Variants in ARFGAP3 observed in about 807,000 individuals in gnomAD.
ARFGAP3 encodes the protein ARF GTPase activating protein 3.
ARFGAP3 carries 72 observed loss-of-function variants against 75.0 expected under a neutral mutation model. The ratio of observed to expected loss-of-function variants is 0.96; its 90% CI spans 0.79 to 1.17. The LOEUF (loss-of-function observed/expected upper bound fraction) is 1.17, where lower values mean the gene tolerates loss of function less well. ARFGAP3 is among the 50% of genes most tolerant of loss of function. The pLI is 0.00. For missense variants in ARFGAP3, 620 were observed against 626.6 expected (o/e 0.99, Z 0.11); for synonymous variants, 221 against 217.9 (o/e 1.01, Z -0.13).
chr22:42,797,660 C>T, intron 15 of ARFGAP3, 55 bp from the exon 16 acceptor site: 1 of 1,613,858 alleles, frequency 6.2e-7, no homozygotes. Flanking sequence ...ATCCCTGACT[C>T]CCACGCCCTG....
chr22:42,797,817 T>TG, intron 15 of ARFGAP3: 2 of 872,866 alleles, frequency 2.3e-6, no homozygotes, highest in Non-Finnish European at 2.7e-6. Flanking sequence ...CCCAACAGGA[T>TG]TCACATCCTG....
intron 3 of ARFGAP3, among the ~76,000 whole-genome samples, chr22:42,836,958 T>G (rs1926545649): frequency 6.6e-6 from 1 of 152,220 alleles, no homozygotes; most frequent in Non-Finnish European, 1.5e-5. Flanking sequence ...ACAGCTCCAC[T>G]GGCTAAACCG....
At chr22:42,856,993 T>A in intron 1 of ARFGAP3, 121 bp downstream of exon 1, 1 of 1,040,300 alleles carries the variant, frequency 9.6e-7, no homozygotes, top group Non-Finnish European at 1.3e-6. Context: ...GGCCCCACAG[T>A]GCGACGTGTC....
intron 6 of ARFGAP3, among the ~76,000 whole-genome samples, 176 bp downstream of exon 6, chr22:42,831,373 T>C (rs1179525073): frequency 1.3e-5 from 2 of 151,088 alleles, no homozygotes; most frequent in East Asian, 3.9e-4. Context: ...ATGGGGACTA[T>C]GTTGCCCACG....
Position 42,844,041 on chromosome 22 carries a change from C to T in ARFGAP3, c.189-3025G>A, listed in dbSNP as rs144957466. 1.7e-3 allele frequency among the ~76,000 whole-genome samples: 253 copies of T among 152,274 alleles called. 2 individuals are homozygous for T. The highest frequency in any genetic ancestry group is 5.7e-3 in the African/African-American group (238 of 41,552). ...AAAAAAAACTCCAGTTAAATATGCA[C>T]ACCACCCATGCCACACAGGAAGCAG... On this transcript the variant is annotated intron_variant, in intron 2 of 15. Transcript: ENST00000263245.
chr22:42,812,194 C>T (rs889147346), intron 11 of ARFGAP3, among the ~76,000 whole-genome samples: 10 of 131,760 alleles, frequency 7.6e-5, no homozygotes, highest in South Asian at 2.4e-4. Flanking sequence ...CACTACACTC[C>T]AGCCTGGGTG....
chr22:42,855,470 G>C (rs1355719137), intron 1 of ARFGAP3, among the ~76,000 whole-genome samples: 1 of 152,124 alleles, frequency 6.6e-6, no homozygotes, highest in African/African-American at 2.4e-5. Flanking sequence ...TGGATCACTT[G>C]AGGCCAGGAG....
At chr22:42,837,620 CA>C (rs574222602) in intron 3 of ARFGAP3, among the ~76,000 whole-genome samples, 2,888 of 66,446 alleles carry the variant, frequency 0.043, 34 homozygotes, top group African/African-American at 0.077. Context: ...GACTCTATCT[CA>C]AAAAAAAAAA....
intron 2 of ARFGAP3, among the ~76,000 whole-genome samples, chr22:42,843,843 G>A (rs1317784298): frequency 3.3e-5 from 5 of 152,204 alleles, no homozygotes; most frequent in Non-Finnish European, 7.3e-5. Context: ...CAATGGAGGT[G>A]AAAAGGGGCA....
rs994483643 is a variant in ARFGAP3 at position 42,797,691 on chromosome 22, T to C, written c.1534-86A>G. 7 of 1,613,112 alleles carry C rather than the reference T, an allele frequency of 4.3e-6. No homozygotes were observed. The East Asian group carries it at 8.9e-5, about 21-fold the overall frequency. ...CCCTGAATATTCAGCATCACCCAAA[T>C]TGACACTGCAGCCCATGTCAGGCAT... On this transcript the variant is annotated intron_variant, in intron 15 of 15. Coordinates refer to ENST00000263245, the MANE Select transcript of ARFGAP3 (RefSeq NM_014570.5).
Position 42,823,706 on chromosome 22 carries a change from C to T in ARFGAP3, c.626-4G>A, listed in dbSNP as rs146855308. On this transcript the variant is annotated splice_polypyrimidine_tract_variant and splice_region_variant and intron_variant, in intron 7 of 15. Coordinates refer to ENST00000263245, the MANE Select transcript of ARFGAP3 (RefSeq NM_014570.5). ...TTTTTTATGATAGAGGATACCTCTG[C>T]CAAAAAATAAAAATTAAAAAGTAAG... The T allele has an allele frequency of 1.3e-3, 2,078 of 1,556,088 alleles. 16 individuals are homozygous for T. The African/African-American group carries it at 0.026, about 19-fold the overall frequency.
chr22:42,822,284 A>G lies in ARFGAP3; in HGVS notation c.798T>C (p.Ser266=). 2.5e-6 allele frequency: 4 copies of G among 1,612,994 alleles called. No individual in the cohort carries two copies. The highest frequency in any genetic ancestry group is 3.4e-6 in the Non-Finnish European group (4 of 1,179,516). Residue 266 remains serine, a synonymous_variant, in exon 9 of 16, where the codon TCT becomes TCC. Transcript: ENST00000263245. ...KEQEDLAKVV[S]KEESIVSSLR... is the part of the protein sequence containing the mutation. ...ATTAAACTTACATTGATTCTTCTTT[A>G]GATACCACCTTGGCCAGGTCTTCCT...
In ARFGAP3 at chr22:42,835,450, T is replaced by A. The variant is rs1252510600; in HGVS notation, c.305A>T (p.Asn102Ile). Residue 102 changes from asparagine to isoleucine, a missense_variant, in exon 4 of 16, where the codon AAT (asparagine) becomes ATT (isoleucine). Coordinates refer to ENST00000263245, the MANE Select transcript of ARFGAP3 (RefSeq NM_014570.5). ...HQHGCSTNDT[N>I]AKYNSRAAQL... Reference sequence around the variant, plus strand: ...AGCAGCACGACTGTTGTACTTGGCATTGGTGTCATTGGTGGAACACCCATG... The same window carrying A: ...AGCAGCACGACTGTTGTACTTGGCAATGGTGTCATTGGTGGAACACCCATG... 3 of 1,614,108 alleles carry A rather than the reference T, an allele frequency of 1.9e-6. No individual in the cohort carries two copies. The highest frequency in any genetic ancestry group is 2.5e-6 in the Non-Finnish European group (3 of 1,179,978).
chr22:42,847,451 G>A, intron 2 of ARFGAP3, 63 bp downstream of exon 2: 3 of 1,427,404 alleles, frequency 2.1e-6, no homozygotes, highest in South Asian at 2.4e-5. Flanking sequence ...AAAGAAAAAA[G>A]GGAAAAAAAC....
At chr22:42,838,893 A>G (rs8139498) in intron 3 of ARFGAP3, among the ~76,000 whole-genome samples, 7,377 of 151,662 alleles carry the variant, frequency 0.049, 288 homozygotes, top group African/African-American at 0.11. Context: ...GGCGGATCAC[A>G]AGGTCAGGTG....
chr22:42,832,819 C>T (rs1937944639), intron 5 of ARFGAP3, among the ~76,000 whole-genome samples: 1 of 151,844 alleles, frequency 6.6e-6, no homozygotes, highest in Admixed American at 6.6e-5. Context: ...AACCCCGTCT[C>T]CACTAAAAAT....
At chr22:42,798,926 C>T (rs534319261) in intron 15 of ARFGAP3, 113 bp downstream of exon 15, 94 of 865,252 alleles carry the variant, frequency 1.1e-4, no homozygotes, top group South Asian at 6.7e-4. Flanking sequence ...GCAAACATAT[C>T]GATCCAATAA....
At chr22:42,834,192 T>TA (rs762002752) in intron 5 of ARFGAP3, 50 bp downstream of exon 5, 2 of 1,540,482 alleles carry the variant, frequency 1.3e-6, no homozygotes, top group African/African-American at 1.4e-5. Context: ...CACCTTTTGT[T>TA]AACTGTCAGA....
intron 2 of ARFGAP3, among the ~76,000 whole-genome samples, chr22:42,844,868 T>A (rs143944973): frequency 1.3e-5 from 2 of 152,352 alleles, no homozygotes; most frequent in African/African-American, 4.8e-5. Context: ...TGTTTTTGAA[T>A]CATTTACAAG....
Sources: gnomAD v4.1 joint callset for allele counts (sites outside exome capture counted in the v4.1 genomes callset) on GRCh38, gnomAD v4.1.1 for gene constraint, MANE v1.5 for transcripts, NCBI Gene and HGNC (gene_info 2026-07-23, HGNC 2026-07-21) for gene names.